The following EBF1 variants were observed in gnomAD, a reference collection of about 807,000 sequenced individuals.
The protein encoded by EBF1 is EBF transcription factor 1.
A neutral mutation model predicts 68.4 loss-of-function variants in EBF1; 10 were observed. That is an observed-to-expected ratio of 0.15 (90% CI 0.09 to 0.25). The LOEUF (loss-of-function observed/expected upper bound fraction) is 0.25. Ranked by LOEUF, EBF1 falls within the 10% of genes least tolerant of loss-of-function variation. EBF1 has a pLI of 1.00. For synonymous variants in EBF1, 298 were observed against 299.8 expected (o/e 0.99, Z 0.06); for missense variants, 509 against 794.4 (o/e 0.64, Z 4.32).
At chr5:158,838,497 G>A (rs1789387955) in intron 7 of EBF1, among the ~76,000 whole-genome samples, 1 of 151,320 alleles carries the variant, frequency 6.6e-6, no homozygotes, top group Non-Finnish European at 1.5e-5. Context: ...CCCCATTCCT[G>A]TGTGTCAAGC....
chr5:158,911,760 G>A (rs1251096375), intron 6 of EBF1, among the ~76,000 whole-genome samples: 1 of 152,170 alleles, frequency 6.6e-6, no homozygotes, highest in Non-Finnish European at 1.5e-5. Flanking sequence ...TAGAACCACT[G>A]TGAGCTGAGA....
At chr5:159,043,420 T>C (rs1441425529) in intron 6 of EBF1, among the ~76,000 whole-genome samples, 1 of 152,196 alleles carries the variant, frequency 6.6e-6, no homozygotes, top group African/African-American at 2.4e-5. Flanking sequence ...TACCTTTATT[T>C]ATGTGATTCT....
chr5:159,043,254 C>A (rs1771621706), intron 6 of EBF1, among the ~76,000 whole-genome samples: 1 of 152,142 alleles, frequency 6.6e-6, no homozygotes, highest in Non-Finnish European at 1.5e-5. Flanking sequence ...TGTTTGGACT[C>A]TAAGGGGAAA....
intron 6 of EBF1, among the ~76,000 whole-genome samples, chr5:158,840,733 G>A (rs1373719372): frequency 7.6e-6 from 1 of 132,124 alleles, no homozygotes; most frequent in East Asian, 2.2e-4. Context: ...GTGCAGTGGC[G>A]GGATCTCGGC....
chr5:158,824,418 C>G (rs1785562616), intron 7 of EBF1, among the ~76,000 whole-genome samples: 2 of 152,212 alleles, frequency 1.3e-5, no homozygotes, highest in South Asian at 4.1e-4. Flanking sequence ...AGAATCACCT[C>G]ACTTGAGAAA....
intron 7 of EBF1, among the ~76,000 whole-genome samples, chr5:158,824,901 C>G (rs1329137732): frequency 6.6e-6 from 1 of 152,220 alleles, no homozygotes; most frequent in East Asian, 1.9e-4. Flanking sequence ...GAATTGCAGG[C>G]TATGAACACA....
chr5:158,775,742 T>TAA (rs1463378331), intron 10 of EBF1, among the ~76,000 whole-genome samples: 27 of 114,186 alleles, frequency 2.4e-4, no homozygotes, highest in African/African-American at 1.0e-3. Flanking sequence ...ATGAGACTTG[T>TAA]AAAACACACA....
At chr5:159,087,949 A>G (rs752566151) in intron 4 of EBF1, among the ~76,000 whole-genome samples, 2 of 152,150 alleles carry the variant, frequency 1.3e-5, no homozygotes, top group Middle Eastern at 3.2e-3. Context: ...TCTATAGAAC[A>G]ATATTTTTCA....
At chr5:158,729,332 T>C (rs767387739) in intron 11 of EBF1, among the ~76,000 whole-genome samples, 5 of 152,184 alleles carry the variant, frequency 3.3e-5, no homozygotes, top group African/African-American at 7.2e-5. Context: ...AGAGATCAAA[T>C]GGTAAAGCAA....
intron 6 of EBF1, among the ~76,000 whole-genome samples, chr5:158,978,950 T>C (rs959839624): frequency 4.0e-5 from 6 of 151,296 alleles, no homozygotes; most frequent in Non-Finnish European, 4.4e-5. Context: ...AAATCAAATA[T>C]GCATCCTTTC....
At chr5:158,827,827 T>G (rs1323704849) in intron 7 of EBF1, among the ~76,000 whole-genome samples, 1 of 152,170 alleles carries the variant, frequency 6.6e-6, no homozygotes, top group Admixed American at 6.6e-5. Flanking sequence ...TTTAAGCATT[T>G]CTCCAACAAA....
At chr5:158,950,133 T>G (rs1815657889) in intron 6 of EBF1, among the ~76,000 whole-genome samples, 2 of 152,198 alleles carry the variant, frequency 1.3e-5, no homozygotes, top group South Asian at 4.1e-4. Context: ...CCCATGCTCT[T>G]CTATTTCCTG....
intron 4 of EBF1, among the ~76,000 whole-genome samples, chr5:159,094,160 G>A (rs1461006099): frequency 2.1e-5 from 1 of 47,506 alleles, no homozygotes; most frequent in Non-Finnish European, 4.0e-5. Context: ...TTCTGCCTTG[G>A]AAGGCAAAAA....
At chr5:158,930,727 G>T (rs550654309) in intron 6 of EBF1, among the ~76,000 whole-genome samples, 3 of 152,014 alleles carry the variant, frequency 2.0e-5, no homozygotes, top group African/African-American at 7.3e-5. Context: ...ATCTAATGGG[G>T]GGCAAGTATT....
Position 158,741,694 on chromosome 5 carries a change from T to C in EBF1, c.1037-10537A>G, listed in dbSNP as rs185226526. Among the ~76,000 whole-genome samples the C allele has an allele frequency of 3.9e-5, 6 of 152,266 alleles. No individual in the cohort carries two copies. In the East Asian group the frequency reaches 1.2e-3, roughly 29 times the overall value. ...CACTGTTTCCCTCAAGTTTGAAATA[T>C]CTCATAGCATCCCATTAAGTTTGTA... On this transcript the variant is annotated intron_variant, in intron 10 of 15. Transcript: ENST00000313708.
At chr5:158,874,585 G>A (rs1797466682) in intron 6 of EBF1, among the ~76,000 whole-genome samples, 1 of 152,150 alleles carries the variant, frequency 6.6e-6, no homozygotes, top group Admixed American at 6.5e-5. Context: ...AGGTATGCAT[G>A]TAAAGTCATA....
intron 2 of EBF1, chr5:159,096,673 G>A: frequency 6.6e-6 from 4 of 605,920 alleles, no homozygotes; most frequent in Non-Finnish European, 8.7e-6. Context: ...CCGGCCACCA[G>A]AGGCAGGCGG....
At chr5:158,904,923 TA>T (rs1804251478) in intron 6 of EBF1, among the ~76,000 whole-genome samples, 1 of 152,216 alleles carries the variant, frequency 6.6e-6, no homozygotes, top group South Asian at 2.1e-4. Context: ...CAATGTGCCC[TA>T]CTACAAGAAG....
chr5:158,863,990 G>A (rs1582688323), intron 6 of EBF1, among the ~76,000 whole-genome samples: 1 of 151,522 alleles, frequency 6.6e-6, no homozygotes, highest in East Asian at 2.0e-4. Context: ...CCAGCATTTT[G>A]GGAGACTGAG....
Sources: allele counts gnomAD v4.1 joint callset (sites outside exome capture counted in the v4.1 genomes callset), GRCh38; gene constraint gnomAD v4.1.1; transcripts MANE v1.5; gene names NCBI Gene and HGNC (gene_info 2026-07-23, HGNC 2026-07-21).